The following SLC20A2 variants were observed in gnomAD, a reference collection of about 807,000 sequenced individuals.
SLC20A2 encodes the protein sodium-dependent phosphate transporter 2.
Under a neutral mutation model 61.0 loss-of-function variants are expected in SLC20A2, and 30 were observed. The observed-to-expected ratio is 0.49, with a 90% CI of 0.37 to 0.67. The LOEUF (loss-of-function observed/expected upper bound fraction) is 0.67. SLC20A2 is among the 30% of genes least tolerant of loss of function. SLC20A2 has a pLI of 0.00. For missense variants in SLC20A2, 626 were observed against 866.4 expected, an observed-to-expected ratio of 0.72 and a Z score of 3.48; for synonymous variants, 351 against 353.3, an observed-to-expected ratio of 0.99 and a Z score of 0.07.
intron 1 of SLC20A2, among the ~76,000 whole-genome samples, chr8:42,523,337 CTAAA>C (rs1167964418): frequency 2.0e-5 from 3 of 151,394 alleles, no homozygotes; most frequent in African/African-American, 7.3e-5. Context: ...TCTCAAAAAA[CTAAA>C]TAAATAAATA....
chr8:42,528,409 C>T (rs1238622022), intron 1 of SLC20A2, among the ~76,000 whole-genome samples: 1 of 150,580 alleles, frequency 6.6e-6, no homozygotes, highest in African/African-American at 2.4e-5. Flanking sequence ...TTGCATTGAG[C>T]AGAGATAATG....
chr8:42,429,927 C>T (rs1803717835), intron 9 of SLC20A2, 137 bp downstream of exon 9: 2 of 658,022 alleles, frequency 3.0e-6, no homozygotes, highest in Non-Finnish European at 4.9e-6. Flanking sequence ...TGGGGCCATT[C>T]TTGCCCACTG....
At chr8:42,451,035 C>A (rs188447617) in intron 5 of SLC20A2, among the ~76,000 whole-genome samples, 1 of 152,268 alleles carries the variant, frequency 6.6e-6, no homozygotes. Context: ...AGAAAGAGGC[C>A]TTCTGAGTGC....
At chr8:42,456,377 G>A (rs916276482) in intron 5 of SLC20A2, among the ~76,000 whole-genome samples, 1 of 152,074 alleles carries the variant, frequency 6.6e-6, no homozygotes, top group Non-Finnish European at 1.5e-5. Context: ...CCTGGGAGGC[G>A]TCTGGTGATT....
intron 5 of SLC20A2, among the ~76,000 whole-genome samples, chr8:42,449,648 C>A (rs1805496183): frequency 6.6e-6 from 1 of 152,186 alleles, no homozygotes; most frequent in Admixed American, 6.5e-5. Flanking sequence ...TGACTCAATG[C>A]AGATTCTTTG....
At chr8:42,513,075 A>C (rs982174338) in intron 1 of SLC20A2, among the ~76,000 whole-genome samples, 1 of 152,228 alleles carries the variant, frequency 6.6e-6, no homozygotes, top group African/African-American at 2.4e-5. Flanking sequence ...GCACTGAAAA[A>C]ACAGGAAGAA....
At chr8:42,517,964 C>T (rs560688753) in intron 1 of SLC20A2, among the ~76,000 whole-genome samples, 6 of 152,096 alleles carry the variant, frequency 3.9e-5, no homozygotes, top group South Asian at 2.1e-4. Context: ...TTTTTGAGAC[C>T]GAGTCTTGTT....
At chr8:42,423,695 C>G (rs1226556585) in intron 10 of SLC20A2, among the ~76,000 whole-genome samples, 1 of 152,142 alleles carries the variant, frequency 6.6e-6, no homozygotes, top group African/African-American at 2.4e-5. Flanking sequence ...TACGCTAAGA[C>G]AGTAATTTCT....
rs372750318 is a variant in SLC20A2, at chr8:42,437,142, G to C, written c.1370C>G (p.Ala457Gly). ...CTGGTCAGGGTCGGCCAGCTCCGAC[G>C]CCAGCTTCATCTCCACGCCGCCCTC... is the stretch of plus-strand genomic sequence containing the variant. ...AEEGGVEMKLASELADPDQPR... is the reference protein window; with the variant it reads ...AEEGGVEMKLGSELADPDQPR... Residue 457 changes from alanine to glycine, a missense_variant, in exon 8 of 11, where the codon GCG (alanine) becomes GGG (glycine). By Grantham distance (60) the Ala-to-Gly change is moderately conservative (BLOSUM62 0). Coordinates refer to ENST00000520262, the MANE Select transcript of SLC20A2 (RefSeq NM_001257180.2). The surrounding 1 kb of genome is among the most constrained non-coding windows in gnomAD (Gnocchi z 6.4). 1.2e-6 allele frequency: 2 copies of C among 1,613,702 alleles called. No individual in the cohort carries two copies. The highest frequency in any genetic ancestry group is 4.5e-5 in the East Asian group (2 of 44,882).
At chr8:42,535,639 T>C (rs1812651015) in intron 1 of SLC20A2, among the ~76,000 whole-genome samples, 2 of 152,238 alleles carry the variant, frequency 1.3e-5, no homozygotes, top group South Asian at 4.1e-4. Flanking sequence ...AACTGTATTA[T>C]CTGGTGACTA....
chr8:42,416,499 A>C lies in SLC20A2; in HGVS notation c.*1304T>G, dbSNP rs1211941015. The C allele has an allele frequency of 1.3e-5, 2 of 152,670 alleles. 1 individual carries two copies. The highest frequency in any genetic ancestry group is 1.3e-4 in the Admixed American group (2 of 15,284). The allele number at this position is 152,670 out of a possible 1,614,324, so 9.5% of individuals were successfully genotyped here. On this transcript the variant is annotated 3_prime_UTR_variant, in exon 11 of 11. Coordinates refer to ENST00000520262, the MANE Select transcript of SLC20A2 (RefSeq NM_001257180.2). Reference sequence around the variant, plus strand: ...CTTCTGAGGGGCATTTTTTATTATAAATTTAATATGGTTGATTAATGAAAA... The same window carrying C: ...CTTCTGAGGGGCATTTTTTATTATACATTTAATATGGTTGATTAATGAAAA...
At chr8:42,528,936 G>A (rs188414370) in intron 1 of SLC20A2, among the ~76,000 whole-genome samples, 469 of 150,130 alleles carry the variant, frequency 3.1e-3, no homozygotes, top group African/African-American at 0.011. Flanking sequence ...CAAAGTGCTG[G>A]GATTACAGGC....
rs141476936 is a variant in SLC20A2, at chr8:42,433,569, C to T, written c.1524-3320G>A. Among the ~76,000 whole-genome samples the T allele has an allele frequency of 2.3e-3, 351 of 152,156 alleles. 1 individual carries two copies. Among genetic ancestry groups the T allele is most frequent in the African/African-American group, 7.9e-3 (328 of 41,494 alleles). ...TGATCTCCTGACCTCATGATCCGCC[C>T]GCCTCAGCCTCCCAAAGTGCTGGGA... is the stretch of plus-strand genomic sequence containing the variant. On this transcript the variant is annotated intron_variant, in intron 8 of 10. Transcript: ENST00000520262.
chr8:42,448,949 T>C (rs1007819228), intron 5 of SLC20A2, among the ~76,000 whole-genome samples: 1 of 152,172 alleles, frequency 6.6e-6, no homozygotes, highest in African/African-American at 2.4e-5. Flanking sequence ...GTACTAAGTA[T>C]ATAAAATCCA....
At chr8:42,528,226 C>G (rs1055238213) in intron 1 of SLC20A2, among the ~76,000 whole-genome samples, 1 of 152,080 alleles carries the variant, frequency 6.6e-6, no homozygotes, top group Non-Finnish European at 1.5e-5. Flanking sequence ...CTTTGGGAGG[C>G]CGAGGCAGGC....
chr8:42,519,443 T>TAAAAAAAAAAAA (rs11284092), intron 1 of SLC20A2, among the ~76,000 whole-genome samples: 1 of 136,412 alleles, frequency 7.3e-6, no homozygotes, highest in Non-Finnish European at 1.6e-5. Context: ...GACTCCATCT[T>TAAAAAAAAAAAA]AAAAAAAAAA....
chr8:42,428,218 C>A (rs1803560041), intron 10 of SLC20A2, among the ~76,000 whole-genome samples: 1 of 152,210 alleles, frequency 6.6e-6, no homozygotes, highest in South Asian at 2.1e-4. Context: ...CTCTCTTGTC[C>A]AGCTGCAGGT....
At chr8:42,490,851 C>A (rs1255361692) in intron 1 of SLC20A2, among the ~76,000 whole-genome samples, 1 of 152,166 alleles carries the variant, frequency 6.6e-6, no homozygotes, top group Non-Finnish European at 1.5e-5. Flanking sequence ...GTGACAGCTG[C>A]CACTTTAATT....
At position 42,418,005 on chromosome 8, in the gene SLC20A2, C is replaced by G. The variant is rs117144317; in HGVS notation, c.1795-38G>C. The G allele has an allele frequency of 1.8e-4, 288 of 1,592,090 alleles. 5 individuals are homozygous for G. In the East Asian group the frequency reaches 6.2e-3, roughly 34 times the overall value. ...ACATTGCAAAGTAAAAACAGGTGAG[C>G]CACAAAGGCTACACTCTACCAATGT... is the stretch of plus-strand genomic sequence containing the variant. On this transcript the variant is annotated intron_variant, in intron 10 of 10. Coordinates refer to ENST00000520262, the MANE Select transcript of SLC20A2 (RefSeq NM_001257180.2).
Sources: allele counts gnomAD v4.1 joint callset (sites outside exome capture counted in the v4.1 genomes callset), GRCh38; gene constraint gnomAD v4.1.1; non-coding constraint Gnocchi (gnomAD v3.1); transcripts MANE v1.5; gene names NCBI Gene and HGNC (gene_info 2026-07-23, HGNC 2026-07-21).